Variants in RNASEH2A observed in about 807,000 individuals in gnomAD.
The protein encoded by RNASEH2A is ribonuclease H2 subunit A, also known as RNase H(35).
RNASEH2A carries 30 observed loss-of-function variants against 32.7 expected under a neutral mutation model. The observed-to-expected ratio is 0.92, with a 90% confidence interval of 0.69 to 1.25. The LOEUF is 1.25. Among genes scored for constraint, RNASEH2A ranks in the 50% most tolerant of loss-of-function variants. The pLI is 0.00. For missense variants in RNASEH2A, 409 were observed against 398.1 expected (o/e 1.03, Z -0.23); for synonymous variants, 147 against 165.4 (o/e 0.89, Z 0.86).
chr19:12,813,446 G>A lies in RNASEH2A; in HGVS notation c.880G>A (p.Glu294Lys), dbSNP rs764614950. ...CCGATATTTCCTGGAACGCGGCCTG[G>A]AGTCAGCAACCAGCCTCTAGCAGCT... ...SHRYFLERGLESATSL is the reference protein window; with the variant it reads ...SHRYFLERGLKSATSL The change falls in exon 8 of 8, where the codon GAG becomes AAG. Residue 294 changes from glutamate (E) to lysine (K), a missense_variant. Transcript: ENST00000221486. The A allele has an allele frequency of 4.5e-5, 72 of 1,613,620 alleles. No individual in the cohort carries two copies. The highest frequency in any genetic ancestry group is 6.7e-5 in the Admixed American group (4 of 59,968).
chr19:12,807,356 AGCATGG>A, intron 3 of RNASEH2A, 27 bp downstream of exon 3: 1 of 1,614,210 alleles, frequency 6.2e-7, no homozygotes. Flanking sequence ...AGGGGCAGCC[AGCATGG>A]GCTGACCAAG....
In RNASEH2A at chr19:12,807,339, C is replaced by T. The variant is rs1220530987; in HGVS notation, c.323+10C>T. The stretch of plus-strand genomic sequence containing the variant: ...CCAGCATGCTTGGGCGGTGAGGGGT[C>T]CCCGGGAGGGGCAGCCAGCATGGGC... On this transcript the variant is annotated intron_variant, in intron 3 of 7. Coordinates refer to ENST00000221486, the MANE Select transcript of RNASEH2A (RefSeq NM_006397.3). 7.4e-6 allele frequency: 12 copies of T among 1,614,040 alleles called. No individual in the cohort carries two copies. The highest frequency in any genetic ancestry group is 5.0e-5 in the Admixed American group (3 of 60,002).
chr19:12,807,046 C>G lies in RNASEH2A; in HGVS notation c.166C>G (p.Arg56Gly). ...VYAICYCPLPRLADLEALKVA... is the reference protein window; with the variant it reads ...VYAICYCPLPGLADLEALKVA... ...CGCCATCTGTTATTGTCCCCTGCCT[C>G]GCCTGGCAGATCTGGAGGCGCTGAA... Residue 56 changes from arginine (R) to glycine (G), a missense_variant, in exon 2 of 8, where the codon CGC becomes GGC. Transcript: ENST00000221486. 1 of 1,614,138 alleles carries G rather than the reference C, an allele frequency of 6.2e-7. No homozygotes were observed. Among genetic ancestry groups the G allele is most frequent in the Non-Finnish European group, 8.5e-7 (1 of 1,180,030 alleles).
At chr19:12,810,425 G>A in intron 6 of RNASEH2A, 21 bp downstream of exon 6, 1 of 1,601,990 alleles carries the variant, frequency 6.2e-7, no homozygotes, top group South Asian at 1.1e-5. Context: ...ACGTGACCAT[G>A]GTACTAATGT....
Position 12,810,304 on chromosome 19 carries a change from G to A in RNASEH2A, c.550-13G>A, listed in dbSNP as rs560268310. On this transcript the variant is annotated splice_polypyrimidine_tract_variant and intron_variant, in intron 5 of 7. Coordinates refer to ENST00000221486, the MANE Select transcript of RNASEH2A (RefSeq NM_006397.3). ...GGAAGGAGGGAGATTCCAGGTGCCT[G>A]TTTTGCCCACAGGTGGCCCGGGACC... 7 of 1,614,170 alleles carry A rather than the reference G, an allele frequency of 4.3e-6. No individual in the cohort carries two copies. Among genetic ancestry groups the A allele is most frequent in the Non-Finnish European group, 5.1e-6 (6 of 1,180,034 alleles).
Position 12,813,498 on chromosome 19 carries a change from C to T in RNASEH2A, c.*32C>T, listed in dbSNP as rs1405123998. 6.2e-7 allele frequency: 1 copy of T among 1,609,978 alleles called. No individual in the cohort carries two copies. Among genetic ancestry groups the T allele is most frequent in the Admixed American group, 1.7e-5 (1 of 59,986 alleles). On this transcript the variant is annotated 3_prime_UTR_variant, in exon 8 of 8. Coordinates refer to ENST00000221486, the MANE Select transcript of RNASEH2A (RefSeq NM_006397.3). ...CCTCTACGCGCTCTACCTGCTTCCCCAACCCAGACATTAAAATTGTTTAAG... is the reference window on the plus strand; with the variant it reads ...CCTCTACGCGCTCTACCTGCTTCCCTAACCCAGACATTAAAATTGTTTAAG...
chr19:12,806,814 G>T lies in RNASEH2A; in HGVS notation c.127+14G>T, dbSNP rs758619313. ...GCCCCGTGCTGGGTGCGCCCCTAGG[G>T]CCAGGGAGGGGAGGGGCGTGGTACG... On this transcript the variant is annotated intron_variant, in intron 1 of 7. Coordinates refer to ENST00000221486, the MANE Select transcript of RNASEH2A (RefSeq NM_006397.3). 36 of 1,586,274 alleles carry T rather than the reference G, an allele frequency of 2.3e-5. No individual in the cohort carries two copies. The African/African-American group carries it at 4.8e-4, about 21-fold the overall frequency.
intron 1 of RNASEH2A, 83 bp downstream of exon 1, chr19:12,806,883 AG>A: frequency 1.3e-6 from 2 of 1,596,568 alleles, no homozygotes; most frequent in Non-Finnish European, 1.7e-6. Context: ...GCACCAAGGG[AG>A]GGGATGTGGT....
rs1599536537 is a variant in RNASEH2A at position 12,812,098 on chromosome 19, G to A, written c.638-985G>A. Among the ~76,000 whole-genome samples, 6 of 152,178 alleles carry A rather than the reference G, an allele frequency of 3.9e-5. No individual in the cohort carries two copies. In the South Asian group the frequency reaches 1.2e-3, roughly 32 times the overall value. Reference sequence around the variant, plus strand: ...ACAAAAAATACAAAAATTAGGTGTGGTGGTGCGCACCTGTAGTCCCAGCTA... The same window carrying A: ...ACAAAAAATACAAAAATTAGGTGTGATGGTGCGCACCTGTAGTCCCAGCTA... On this transcript the variant is annotated intron_variant, in intron 6 of 7. Transcript: ENST00000221486.
At chr19:12,809,435 C>T (rs1599534654) in intron 4 of RNASEH2A, among the ~76,000 whole-genome samples, 1 of 152,190 alleles carries the variant, frequency 6.6e-6, no homozygotes, top group African/African-American at 2.4e-5. Flanking sequence ...ACCTAGAGCC[C>T]TCTTCCCCAG....
chr19:12,806,700 C>A lies in RNASEH2A; in HGVS notation c.27C>A (p.Asp9Glu). Residue 9 changes from aspartate to glutamate, a missense_variant, in exon 1 of 8, where the codon GAC becomes GAA. Asp to Glu is a conservative substitution (Grantham distance 45, BLOSUM62 2). Transcript: ENST00000221486. ...TGGATCTCAGCGAGCTGGAGAGAGA[C>A]AATACAGGCCGCTGTCGCCTGAGTT... MDLSELER[D>E]NTGRCRLSSP... 2 of 1,571,774 alleles carry A rather than the reference C, an allele frequency of 1.3e-6. No homozygotes were observed. The highest frequency in any genetic ancestry group is 8.6e-7 in the Non-Finnish European group (1 of 1,158,532).
chr19:12,811,777 C>T (rs1280270077), intron 6 of RNASEH2A, among the ~76,000 whole-genome samples: 1 of 151,738 alleles, frequency 6.6e-6, no homozygotes, highest in Non-Finnish European at 1.5e-5. Flanking sequence ...ATTAGCTGGA[C>T]GTGGTGGCAC....
At chr19:12,807,910 C>A in intron 4 of RNASEH2A, 2 of 301,284 alleles carry the variant, frequency 6.6e-6, no homozygotes, top group Non-Finnish European at 1.3e-5. Flanking sequence ...CCAACCCGGG[C>A]AACAGAGCAA....
At position 12,813,479 on chromosome 19, in the gene RNASEH2A, C is replaced by A. The variant is rs756331291; in HGVS notation, c.*13C>A. ...AACCAGCCTCTAGCAGCTGCCTCTA[C>A]GCGCTCTACCTGCTTCCCCAACCCA... On this transcript the variant is annotated 3_prime_UTR_variant, in exon 8 of 8. Transcript: ENST00000221486. 6.2e-7 allele frequency: 1 copy of A among 1,612,280 alleles called. No homozygotes were observed. Among genetic ancestry groups the A allele is most frequent in the South Asian group, 1.1e-5 (1 of 91,078 alleles).
intron 1 of RNASEH2A, 91 bp from the exon 2 acceptor site, chr19:12,806,917 G>A (rs1969000459): frequency 1.3e-5 from 21 of 1,601,620 alleles, no homozygotes; most frequent in Non-Finnish European, 1.7e-5. Context: ...ACCTAAAGAA[G>A]CAGTGATGAT....
Position 12,810,422 on chromosome 19 carries a change from C to G in RNASEH2A, c.637+18C>G, listed in dbSNP as rs372421261. On this transcript the variant is annotated intron_variant, in intron 6 of 7. Coordinates refer to ENST00000221486, the MANE Select transcript of RNASEH2A (RefSeq NM_006397.3). ...CCCCAATGGTGAGCAGACACGTGAC[C>G]ATGGTACTAATGTTGAAATGGCCAG... The G allele has an allele frequency of 8.7e-6, 14 of 1,605,562 alleles. No individual in the cohort carries two copies. Among genetic ancestry groups the G allele is most frequent in the Non-Finnish European group, 1.0e-5 (12 of 1,172,370 alleles).
At position 12,806,665 on chromosome 19, in the gene RNASEH2A, T is replaced by G. The variant is rs1439892541; in HGVS notation, c.-9T>G. On this transcript the variant is annotated 5_prime_UTR_variant, in exon 1 of 8. Transcript: ENST00000221486. Reference sequence around the variant, plus strand: ...AGTTCTTGCAGCTGGTGGTGGCGGCTGAGGCGGCATGGATCTCAGCGAGCT... The same window carrying G: ...AGTTCTTGCAGCTGGTGGTGGCGGCGGAGGCGGCATGGATCTCAGCGAGCT... 6.4e-7 allele frequency: 1 copy of G among 1,573,998 alleles called. No homozygotes were observed.
At chr19:12,809,362 A>G (rs1349644568) in intron 4 of RNASEH2A, among the ~76,000 whole-genome samples, 1 of 152,188 alleles carries the variant, frequency 6.6e-6, no homozygotes, top group Non-Finnish European at 1.5e-5. Flanking sequence ...AAAGGCCCCC[A>G]TGCATGGGCC....
rs1969108243 is a variant in RNASEH2A, at chr19:12,813,549, TTTGGGACAG to T, written c.*84_*92del. On this transcript the variant is annotated 3_prime_UTR_variant, in exon 8 of 8. Transcript: ENST00000221486. ...GAGAACCACACGTAGGGGATGTACT[TTTGGGACAG>T]AAGCAAGGTGGGAGTGTGCTCTGCA... 7.6e-6 allele frequency: 12 copies of T among 1,582,274 alleles called. No individual in the cohort carries two copies. Among genetic ancestry groups the T allele is most frequent in the Non-Finnish European group, 1.0e-5 (12 of 1,163,070 alleles).
Sources: allele counts gnomAD v4.1 joint callset (sites outside exome capture counted in the v4.1 genomes callset), GRCh38; gene constraint gnomAD v4.1.1; transcripts MANE v1.5; gene names NCBI Gene and HGNC (gene_info 2026-07-23, HGNC 2026-07-21).